Variants in PRKN observed in about 807,000 individuals in gnomAD.
The protein encoded by PRKN is parkin RBR E3 ubiquitin protein ligase.
A neutral mutation model predicts 59.5 loss-of-function variants in PRKN; 56 were observed. The ratio of observed to expected loss-of-function variants is 0.94; its 90% confidence interval spans 0.76 to 1.18. The LOEUF is 1.18. Ranked by LOEUF, PRKN falls within the 50% of genes most tolerant of loss-of-function variation. The pLI, the probability that PRKN is intolerant of heterozygous loss-of-function variation, is 0.00. For missense variants in PRKN, 657 were observed against 596.4 expected, an observed-to-expected ratio of 1.10 and a Z score of -1.06; for synonymous variants, 250 against 222.1, an observed-to-expected ratio of 1.13 and a Z score of -1.12.
At position 162,018,730 on chromosome 6, in the gene PRKN, C is replaced by T. The variant is rs537749598; in HGVS notation, c.618+35361G>A. Among the ~76,000 whole-genome samples the T allele has an allele frequency of 1.8e-3, 272 of 152,004 alleles. 2 individuals carry two copies. Among genetic ancestry groups the T allele is most frequent in the African/African-American group, 6.4e-3 (267 of 41,480 alleles). On this transcript the variant is annotated intron_variant, in intron 5 of 11. Coordinates refer to ENST00000366898, the MANE Select transcript of PRKN (RefSeq NM_004562.3). Reference sequence around the variant, plus strand: ...TATATACTTAGGATGCTTTTTTGTCCTCCCAAGAGCCAAAACCTATCTTGA... The same window carrying T: ...TATATACTTAGGATGCTTTTTTGTCTTCCCAAGAGCCAAAACCTATCTTGA...
At chr6:161,899,878 T>A (rs1777818964) in intron 6 of PRKN, among the ~76,000 whole-genome samples, 1 of 152,120 alleles carries the variant, frequency 6.6e-6, no homozygotes, top group African/African-American at 2.4e-5. Flanking sequence ...ATCCCAGCAC[T>A]TTGGGAGGCC....
At chr6:161,810,682 G>C (rs983220022) in intron 6 of PRKN, among the ~76,000 whole-genome samples, 1 of 152,140 alleles carries the variant, frequency 6.6e-6, no homozygotes, top group African/African-American at 2.4e-5. Context: ...TGCTAAAAAT[G>C]ATTATTTGCA....
chr6:162,709,800 G>A (rs1200233125), intron 1 of PRKN, among the ~76,000 whole-genome samples: 1 of 151,252 alleles, frequency 6.6e-6, no homozygotes, highest in African/African-American at 2.4e-5. Flanking sequence ...TAGCTATCTG[G>A]AGAAGGAAGG....
intron 1 of PRKN, among the ~76,000 whole-genome samples, chr6:162,596,015 A>C (rs1781483532): frequency 6.6e-6 from 1 of 152,182 alleles, no homozygotes; most frequent in Non-Finnish European, 1.5e-5. Flanking sequence ...TGGTGAAAAA[A>C]AAAAATTCCA....
intron 1 of PRKN, among the ~76,000 whole-genome samples, chr6:162,572,922 T>C (rs1195368154): frequency 2.0e-5 from 3 of 152,186 alleles, no homozygotes; most frequent in Non-Finnish European, 2.9e-5. Context: ...TCTGCATTTT[T>C]AATATCTGTG....
rs193185009 is a variant in PRKN at position 162,447,117 on chromosome 6, C to T, written c.8-3644G>A. ...TGTATTAGAAAATCTCAGAAAGAGA[C>T]TAGTACAGGGCCTATCCTCCTAGTG... On this transcript the variant is annotated intron_variant, in intron 1 of 11. Transcript: ENST00000366898. Among the ~76,000 whole-genome samples, 187 of 152,292 alleles carry T rather than the reference C, an allele frequency of 1.2e-3. 2 individuals are homozygous for T. Among genetic ancestry groups the T allele is most frequent in the Non-Finnish European group, 2.1e-3 (141 of 68,016 alleles).
chr6:162,020,727 A>G (rs1334990250), intron 5 of PRKN, among the ~76,000 whole-genome samples: 1 of 152,184 alleles, frequency 6.6e-6, no homozygotes, highest in Non-Finnish European at 1.5e-5. Context: ...TATAGGACTA[A>G]TAAAGATTCT....
intron 9 of PRKN, among the ~76,000 whole-genome samples, chr6:161,421,213 T>C (rs1788091590): frequency 6.6e-6 from 1 of 152,208 alleles, no homozygotes; most frequent in Non-Finnish European, 1.5e-5. Context: ...CATCTTGATT[T>C]TGAATTGATG....
At position 161,863,541 on chromosome 6, in the gene PRKN, T is replaced by C. The variant is rs191663918; in HGVS notation, c.735-77633A>G. On this transcript the variant is annotated intron_variant, in intron 6 of 11. Coordinates refer to ENST00000366898, the MANE Select transcript of PRKN (RefSeq NM_004562.3). ...GTGAGTTTAGAAAGATATTTGCTCATGTGGTTTTTCAAAATTGAGTATGAC... is the reference window on the plus strand; with the variant it reads ...GTGAGTTTAGAAAGATATTTGCTCACGTGGTTTTTCAAAATTGAGTATGAC... 2.6e-5 allele frequency among the ~76,000 whole-genome samples: 4 copies of C among 152,058 alleles called. No individual in the cohort carries two copies. In the East Asian group the frequency reaches 7.7e-4, roughly 29 times the overall value.
rs1783143882 is a variant in PRKN, at chr6:162,021,136, ATATATATATATATATATATATATATAT to A, written c.618+32928_618+32954del. On this transcript the variant is annotated intron_variant, in intron 5 of 11. Transcript: ENST00000366898. ...AACAAAAACATATATATATATATATATATATATATATATATATATATATATATATAAAATATATGTGTATATATATTA... is the reference window on the plus strand; with the variant it reads ...AACAAAAACATATATATATATATATAATAAAATATATGTGTATATATATTA... 3.9e-3 allele frequency among the ~76,000 whole-genome samples: 40 copies of A among 10,248 alleles called. 1 individual carries two copies. Among genetic ancestry groups the A allele is most frequent in the African/African-American group, 0.022 (34 of 1,526 alleles). The allele number at this position is 10,248 out of a possible 152,430, so 6.7% of individuals were successfully genotyped here.
In PRKN at chr6:162,690,939, G is replaced by A. The variant is rs1404542054; in HGVS notation, c.7+36723C>T. Among the ~76,000 whole-genome samples, 5 of 152,060 alleles carry A rather than the reference G, an allele frequency of 3.3e-5. No individual in the cohort carries two copies. In the East Asian group the frequency reaches 9.7e-4, roughly 29 times the overall value. ...TTACAGTGACCTCACTCTTGGCACT[G>A]AATGTTATGCCTTCATGCTACAGTA... On this transcript the variant is annotated intron_variant, in intron 1 of 11. Transcript: ENST00000366898.
chr6:161,627,973 T>C (rs1471868519), intron 7 of PRKN, among the ~76,000 whole-genome samples: 1 of 152,198 alleles, frequency 6.6e-6, no homozygotes, highest in East Asian at 1.9e-4. Context: ...ATTTGCTTTG[T>C]GGGCAGCTGC....
intron 2 of PRKN, among the ~76,000 whole-genome samples, chr6:162,401,042 G>A (rs944676535): frequency 4.6e-5 from 7 of 152,060 alleles, no homozygotes; most frequent in African/African-American, 1.7e-4. Flanking sequence ...GGCAACCCAC[G>A]CTGTGCATCT....
In PRKN at chr6:161,973,278, G is replaced by C. The variant is rs1431202943; in HGVS notation, c.734+24C>G. 8 of 1,450,698 alleles carry C rather than the reference G, an allele frequency of 5.5e-6. 1 individual carries two copies. The highest frequency in any genetic ancestry group is 7.8e-6 in the Non-Finnish European group (8 of 1,030,754). 89.9% of individuals were successfully genotyped at this position (1,450,698 alleles called of 1,614,324 possible). A position where few individuals can be genotyped will look rare whatever the true frequency, so the allele number is the denominator to read the frequency against. On this transcript the variant is annotated intron_variant, in intron 6 of 11. Transcript: ENST00000366898. ...CCTTACCTCACGTCCGTGGAGGGAA[G>C]TGACACTATTTTTAGATCCTTACCT...
At chr6:162,429,738 G>A (rs997260153) in intron 2 of PRKN, among the ~76,000 whole-genome samples, 17 of 152,224 alleles carry the variant, frequency 1.1e-4, no homozygotes, top group African/African-American at 3.6e-4. Flanking sequence ...AAGTGGGGAC[G>A]CACCGGTCCT....
At chr6:161,683,344 G>A (rs1785441098) in intron 7 of PRKN, among the ~76,000 whole-genome samples, 1 of 152,146 alleles carries the variant, frequency 6.6e-6, no homozygotes, top group African/African-American at 2.4e-5. Context: ...GTCAAAATGG[G>A]GAAGAATCAT....
chr6:161,353,427 G>T lies in PRKN; in HGVS notation c.1286-3216C>A, dbSNP rs902916487. Among the ~76,000 whole-genome samples, 2 of 152,078 alleles carry T rather than the reference G, an allele frequency of 1.3e-5. No homozygotes were observed. ...GAGATCAAAGCCTTTCTGTCCCACCGCATTTCAACACGGCTGTCCATGCTT... is the reference window on the plus strand; with the variant it reads ...GAGATCAAAGCCTTTCTGTCCCACCTCATTTCAACACGGCTGTCCATGCTT... On this transcript the variant is annotated intron_variant, in intron 11 of 11. Transcript: ENST00000366898. The surrounding 1 kb of genome is among the most constrained non-coding windows in gnomAD (Gnocchi z 4.8).
chr6:162,667,115 T>C (rs562552211), intron 1 of PRKN, among the ~76,000 whole-genome samples: 108 of 152,224 alleles, frequency 7.1e-4, no homozygotes, highest in Non-Finnish European at 1.1e-3. Flanking sequence ...CAAGCTTCAA[T>C]TATCCATGCT....
Position 162,123,985 on chromosome 6 carries a change from A to C in PRKN, c.535-69811T>G, listed in dbSNP as rs74562147. 4.5e-3 allele frequency among the ~76,000 whole-genome samples: 689 copies of C among 152,246 alleles called. 6 individuals carry two copies. Among genetic ancestry groups the C allele is most frequent in the African/African-American group, 0.016 (664 of 41,540 alleles). ...GAAGGGGCTTTTCTTCTTCCTGTTG[A>C]GTTGATTGCCCTGTAAGTATCACTC... On this transcript the variant is annotated intron_variant, in intron 4 of 11. Coordinates refer to ENST00000366898, the MANE Select transcript of PRKN (RefSeq NM_004562.3).
Sources: gnomAD v4.1 joint callset for allele counts (sites outside exome capture counted in the v4.1 genomes callset) on GRCh38, gnomAD v4.1.1 for gene constraint, Gnocchi (gnomAD v3.1) non-coding constraint, MANE v1.5 for transcripts, NCBI Gene and HGNC (gene_info 2026-07-23, HGNC 2026-07-21) for gene names.